Variants in PRDM6 observed in about 807,000 individuals in gnomAD.
PRDM6 encodes putative histone-lysine N-methyltransferase PRDM6.
In PRDM6, 25 loss-of-function variants were observed where a neutral mutation model predicts 60.8. That is an observed-to-expected ratio of 0.41 (90% CI 0.30 to 0.57). The LOEUF (loss-of-function observed/expected upper bound fraction) is 0.57. Among genes scored for constraint, PRDM6 ranks in the 20% least tolerant of loss-of-function variants. The probability of loss-of-function intolerance (pLI) is 0.27; values close to 1 mark genes in which losing one functional copy is unlikely to be tolerated. For synonymous variants in PRDM6, 407 were observed against 357.4 expected (o/e 1.14, Z -1.57); for missense variants, 839 against 821.3 (o/e 1.02, Z -0.26).
chr5:123,093,440 T>A (rs1023977064), intron 2 of PRDM6, among the ~76,000 whole-genome samples: 1 of 152,214 alleles, frequency 6.6e-6, no homozygotes, highest in Admixed American at 6.5e-5. Context: ...GTAGCTCTCT[T>A]TCGTTCTAAA....
chr5:123,125,155 C>CAA lies in PRDM6; in HGVS notation c.900+25194_900+25195insAA, dbSNP rs1561830950. On this transcript the variant is annotated intron_variant, in intron 3 of 7. Transcript: ENST00000407847. ...ATAATTACATACCGCACCCCCTCCC[C>CAA]CCCACCCGCCGGCCCCGCCACACAC... Among the ~76,000 whole-genome samples, 71 of 136,848 alleles carry CAA rather than the reference C, an allele frequency of 5.2e-4. No individual in the cohort carries two copies. In the South Asian group the frequency reaches 5.8e-3, roughly 11 times the overall value. The allele number at this position is 136,848 out of a possible 152,430, so 89.8% of individuals were successfully genotyped here. A position where few individuals can be genotyped will look rare whatever the true frequency, so the allele number is the denominator to read the frequency against.
Position 123,143,541 on chromosome 5 carries a change from G to T in PRDM6, c.901-12343G>T, listed in dbSNP as rs531319112. ...GTGTCCCAGACATTCAAGTTGACGG[G>T]ATCTCTTGGTTAGATTTCCTGGGAA... On this transcript the variant is annotated intron_variant, in intron 3 of 7. Coordinates refer to ENST00000407847, the MANE Select transcript of PRDM6 (RefSeq NM_001136239.4). Among the ~76,000 whole-genome samples, 14 of 152,246 alleles carry T rather than the reference G, an allele frequency of 9.2e-5. No homozygotes were observed. The South Asian group carries it at 2.1e-3, about 23-fold the overall frequency.
At chr5:123,102,047 A>T (rs976889235) in intron 3 of PRDM6, among the ~76,000 whole-genome samples, 1 of 152,160 alleles carries the variant, frequency 6.6e-6, no homozygotes, top group Admixed American at 6.5e-5. Flanking sequence ...TGCTTGGATG[A>T]TCTACAGGAT....
chr5:123,169,485 G>A (rs1765836414), intron 5 of PRDM6, among the ~76,000 whole-genome samples: 1 of 152,132 alleles, frequency 6.6e-6, no homozygotes, highest in South Asian at 2.1e-4. Flanking sequence ...GTTCATGATA[G>A]GCCCTGTAAT....
intron 6 of PRDM6, among the ~76,000 whole-genome samples, chr5:123,178,759 A>G (rs1489299694): frequency 2.6e-5 from 4 of 152,088 alleles, no homozygotes; most frequent in African/African-American, 7.2e-5. Flanking sequence ...CAGTGAGGCA[A>G]GTGGCCACAA....
chr5:123,115,860 C>T (rs990069817), intron 3 of PRDM6, among the ~76,000 whole-genome samples: 3 of 152,182 alleles, frequency 2.0e-5, no homozygotes, highest in African/African-American at 7.2e-5. Flanking sequence ...CCTGATCCCT[C>T]TCTCCTCATT....
At chr5:123,109,657 G>C (rs550010558) in intron 3 of PRDM6, among the ~76,000 whole-genome samples, 1 of 152,100 alleles carries the variant, frequency 6.6e-6, no homozygotes, top group Admixed American at 6.6e-5. Flanking sequence ...AACCCCATTG[G>C]ATGGCTCTCA....
chr5:123,143,546 C>G (rs555824607), intron 3 of PRDM6, among the ~76,000 whole-genome samples: 24 of 152,192 alleles, frequency 1.6e-4, no homozygotes, highest in Non-Finnish European at 3.1e-4. Flanking sequence ...GACGGGATCT[C>G]TTGGTTAGAT....
At chr5:123,126,308 A>G (rs900663220) in intron 3 of PRDM6, among the ~76,000 whole-genome samples, 7 of 152,124 alleles carry the variant, frequency 4.6e-5, no homozygotes, top group Non-Finnish European at 1.0e-4. Context: ...AGTGATGGCA[A>G]TCACTATATC....
At chr5:123,114,707 T>C (rs1764394468) in intron 3 of PRDM6, among the ~76,000 whole-genome samples, 1 of 152,246 alleles carries the variant, frequency 6.6e-6, no homozygotes. Flanking sequence ...TGAATGACTC[T>C]TGTGACTGGG....
At chr5:123,166,049 C>G (rs1215116307) in intron 5 of PRDM6, among the ~76,000 whole-genome samples, 1 of 152,194 alleles carries the variant, frequency 6.6e-6, no homozygotes, top group African/African-American at 2.4e-5. Context: ...GTGACCGCCC[C>G]CACCATCCTC....
intron 3 of PRDM6, among the ~76,000 whole-genome samples, chr5:123,131,099 C>T (rs191268389): frequency 2.5e-4 from 38 of 152,112 alleles, no homozygotes; most frequent in Admixed American, 1.6e-3. Flanking sequence ...TGGTGATGCA[C>T]GTGTTCTCAC....
chr5:123,119,709 AT>A (rs1422493440), intron 3 of PRDM6, among the ~76,000 whole-genome samples: 1 of 152,098 alleles, frequency 6.6e-6, no homozygotes, highest in Admixed American at 6.5e-5. Flanking sequence ...ATAATCTATA[AT>A]TTTCTGTTTT....
At chr5:123,184,628 C>T (rs899936527) in intron 7 of PRDM6, among the ~76,000 whole-genome samples, 1 of 152,122 alleles carries the variant, frequency 6.6e-6, no homozygotes, top group Non-Finnish European at 1.5e-5. Flanking sequence ...AGTTTAGATG[C>T]CAACCAAGTG....
At chr5:123,092,356 A>G (rs1026376055) in intron 2 of PRDM6, among the ~76,000 whole-genome samples, 17 of 152,344 alleles carry the variant, frequency 1.1e-4, no homozygotes, top group South Asian at 4.1e-4. Context: ...CAATCTTGCA[A>G]TTTCACTTCT....
rs960163984 is a variant in PRDM6, at chr5:123,187,487, A to C, written c.*286A>C. 12 of 255,218 alleles carry C rather than the reference A, an allele frequency of 4.7e-5. No individual in the cohort carries two copies. Among genetic ancestry groups the C allele is most frequent in the South Asian group, 4.5e-4 (9 of 20,036 alleles). The allele number at this position is 255,218 out of a possible 1,614,324, so 15.8% of individuals were successfully genotyped here. A position where few individuals can be genotyped will look rare whatever the true frequency, so the allele number is the denominator to read the frequency against. ...CCATGTATTTTGCTTTGTTTCTAAA[A>C]AGCTTTTTAAAAACTGTTATTTAAT... On this transcript the variant is annotated 3_prime_UTR_variant, in exon 8 of 8. Transcript: ENST00000407847.
At chr5:123,149,604 A>T (rs557832242) in intron 3 of PRDM6, among the ~76,000 whole-genome samples, 1 of 152,200 alleles carries the variant, frequency 6.6e-6, no homozygotes. Flanking sequence ...GACAAGCGAC[A>T]CTGCAATGAA....
chr5:123,102,379 T>A (rs1764123140), intron 3 of PRDM6, among the ~76,000 whole-genome samples: 1 of 152,298 alleles, frequency 6.6e-6, no homozygotes, highest in African/African-American at 2.4e-5. Context: ...AATTGTTACA[T>A]TTATAATACA....
chr5:123,159,355 C>T (rs776638155), intron 4 of PRDM6, among the ~76,000 whole-genome samples, 159 bp from the exon 5 acceptor site: 1 of 152,152 alleles, frequency 6.6e-6, no homozygotes, highest in Non-Finnish European at 1.5e-5. Flanking sequence ...GTTACAGACT[C>T]TAATTGGTTG....
Sources: gnomAD v4.1 joint callset for allele counts (sites outside exome capture counted in the v4.1 genomes callset) on GRCh38, gnomAD v4.1.1 for gene constraint, MANE v1.5 for transcripts, NCBI Gene and HGNC (gene_info 2026-07-23, HGNC 2026-07-21) for gene names.